THAP9: variants seen among roughly 807,000 people sequenced by gnomAD.
THAP9 encodes THAP domain containing 9.
Under a neutral mutation model 35.7 loss-of-function variants are expected in THAP9, and 20 were observed. The ratio of observed to expected loss-of-function variants is 0.56; its 90% confidence interval spans 0.39 to 0.81. The LOEUF is 0.81. Ranked by LOEUF, THAP9 falls within the 40% of genes least tolerant of loss-of-function variation. The pLI is 0.00. For missense variants in THAP9, 870 were observed against 1,047.4 expected (o/e 0.83, Z 2.34); for synonymous variants, 335 against 373.7 (o/e 0.90, Z 1.19).
In THAP9 at chr4:82,917,285, T is replaced by C; in HGVS notation, c.1073T>C (p.Ile358Thr). The C allele has an allele frequency of 1.2e-6, 2 of 1,614,138 alleles. No individual in the cohort carries two copies. The highest frequency in any genetic ancestry group is 1.7e-6 in the Non-Finnish European group (2 of 1,179,992). The change falls in exon 5 of 5, where the codon ATT becomes ACT. Residue 358 changes from isoleucine to threonine, a missense_variant. Around this residue, in one of 3 missense-constraint regions of THAP9, gnomAD observed 440 missense variants for 501.2 expected, o/e 0.88. Transcript: ENST00000302236. ...YLQAQLLRLT[I>T]GKLSDIGITV... ...CAGGCTCAGCTGCTTCGTCTGACTA[T>C]TGGTAAACTGAGTGACATAGGAATC...
At position 82,906,641 on chromosome 4, in the gene THAP9, G is replaced by A. The variant is rs367785870; in HGVS notation, c.580+14G>A. 19 of 1,552,352 alleles carry A rather than the reference G, an allele frequency of 1.2e-5. No individual in the cohort carries two copies. Among genetic ancestry groups the A allele is most frequent in the Non-Finnish European group, 1.6e-5 (18 of 1,151,184 alleles). ...CTCAATTTTCAGGTACTTCCCCCTAGTAACCTGTAGTATTTACAAAAATAG... is the reference window on the plus strand; with the variant it reads ...CTCAATTTTCAGGTACTTCCCCCTAATAACCTGTAGTATTTACAAAAATAG... On this transcript the variant is annotated intron_variant, in intron 3 of 4. Coordinates refer to ENST00000302236, the MANE Select transcript of THAP9 (RefSeq NM_024672.6).
Position 82,917,522 on chromosome 4 carries a change from G to A in THAP9, c.1310G>A (p.Gly437Asp). ...QNFQSIQFINGIAHWQHLVEL... is the reference protein window; with the variant it reads ...QNFQSIQFINDIAHWQHLVEL... The stretch of plus-strand genomic sequence containing the variant: ...TTTCAAAGCATTCAGTTTATTAATG[G>A]TATAGCACATTGGCAGCACCTCGTG... Residue 437 changes from glycine (G) to aspartate (D), a missense_variant, in exon 5 of 5, where the codon GGT becomes GAT. Transcript: ENST00000302236. 3 of 1,613,622 alleles carry A rather than the reference G, an allele frequency of 1.9e-6. No homozygotes were observed. Among genetic ancestry groups the A allele is most frequent in the South Asian group, 2.2e-5 (2 of 91,066 alleles).
At chr4:82,913,865 T>C (rs889226874) in intron 4 of THAP9, among the ~76,000 whole-genome samples, 2 of 151,390 alleles carry the variant, frequency 1.3e-5, no homozygotes, top group African/African-American at 2.4e-5. Context: ...GCCTCCCGAG[T>C]AGCTGGGATT....
intron 4 of THAP9, among the ~76,000 whole-genome samples, chr4:82,908,907 AT>A (rs1488131850): frequency 9.3e-5 from 11 of 117,954 alleles, no homozygotes; most frequent in Admixed American, 3.0e-4. Flanking sequence ...AGTTTTACAG[AT>A]TCCTTTTTTT....
In THAP9 at chr4:82,900,745, T is replaced by G. The variant is rs1720288983; in HGVS notation, c.-58T>G. ...GCAGAGTCAACGGGCGGAGCTAAAG[T>G]GGTCGTGATTCATGCTGTCGCGGGA... On this transcript the variant is annotated 5_prime_UTR_variant, in exon 1 of 5. Transcript: ENST00000302236. The G allele has an allele frequency of 4.4e-6, 7 of 1,579,654 alleles. No individual in the cohort carries two copies. Among genetic ancestry groups the G allele is most frequent in the Admixed American group, 1.7e-5 (1 of 59,850 alleles).
At chr4:82,901,296 C>A in intron 1 of THAP9, 1 of 407,100 alleles carries the variant, frequency 2.5e-6, no homozygotes, top group South Asian at 1.8e-5. Flanking sequence ...TTCTTAAGTG[C>A]TGTTAGCCGA....
chr4:82,914,246 G>T (rs1282375863), intron 4 of THAP9, among the ~76,000 whole-genome samples: 1 of 152,148 alleles, frequency 6.6e-6, no homozygotes, highest in African/African-American at 2.4e-5. Flanking sequence ...GAGATTTAGG[G>T]TGTTCCATGT....
At chr4:82,911,966 A>T (rs531232503) in intron 4 of THAP9, among the ~76,000 whole-genome samples, 1 of 152,346 alleles carries the variant, frequency 6.6e-6, no homozygotes, top group African/African-American at 2.4e-5. Flanking sequence ...AAATTTTTTT[A>T]AAACCCTTGG....
At chr4:82,901,217 G>A (rs1720346365) in intron 1 of THAP9, 3 of 544,466 alleles carry the variant, frequency 5.5e-6, no homozygotes, top group Non-Finnish European at 3.5e-6. Context: ...AACGGTTGAA[G>A]TGTGTGTGTG....
At chr4:82,916,167 C>T (rs916632340) in intron 4 of THAP9, among the ~76,000 whole-genome samples, 1 of 152,154 alleles carries the variant, frequency 6.6e-6, no homozygotes, top group Non-Finnish European at 1.5e-5. Context: ...CTAGTCTCTC[C>T]CTCAGAATCC....
At chr4:82,909,718 G>A (rs1378043587) in intron 4 of THAP9, among the ~76,000 whole-genome samples, 2 of 152,042 alleles carry the variant, frequency 1.3e-5, no homozygotes, top group African/African-American at 2.4e-5. Flanking sequence ...CTTTCATAAT[G>A]TGATTTTACC....
intron 4 of THAP9, among the ~76,000 whole-genome samples, chr4:82,914,886 G>A (rs917206292): frequency 6.6e-5 from 10 of 152,050 alleles, no homozygotes; most frequent in East Asian, 3.9e-4. Context: ...ATCTTTTACC[G>A]TTCCTATGTC....
intron 4 of THAP9, among the ~76,000 whole-genome samples, chr4:82,914,481 C>A (rs1318392312): frequency 6.6e-6 from 1 of 152,164 alleles, no homozygotes; most frequent in African/African-American, 2.4e-5. Flanking sequence ...ATTTTGCCAG[C>A]ATCTATTATT....
chr4:82,901,938 T>TAAA, intron 1 of THAP9, among the ~76,000 whole-genome samples: 1 of 152,208 alleles, frequency 6.6e-6, no homozygotes, highest in Middle Eastern at 3.4e-3. Context: ...GTAAGAGGAA[T>TAAA]AAAAACCTGC....
Position 82,918,378 on chromosome 4 carries a change from T to A in THAP9, c.2166T>A (p.Val722=). 1 of 1,614,186 alleles carries A rather than the reference T, an allele frequency of 6.2e-7. No homozygotes were observed. Among genetic ancestry groups the A allele is most frequent in the East Asian group, 2.2e-5 (1 of 44,886 alleles). ...ATCTCATCTGTTATGCTGGTTATGT[T>A]GCAAACAAGTTATCAGCTCTTTTAA... The part of the protein sequence containing the change: ...RRNLICYAGY[V]ANKLSALLTC... Residue 722 remains valine (V), a synonymous_variant, in exon 5 of 5, where the codon GTT becomes GTA. Transcript: ENST00000302236.
In THAP9 at chr4:82,906,325, T is replaced by C. The variant is rs201331762; in HGVS notation, c.278T>C (p.Ile93Thr). ...TTTAATTTTATATATCTGTCATAGA[T>C]TCCTCAAGGTGTACATCTTAAAGGT... The part of the protein sequence containing the change: ...GAVPSVSLYK[I>T]PQGVHLKGKA... Residue 93 changes from isoleucine to threonine, a missense_variant and splice_region_variant, in exon 3 of 5, where the codon ATT becomes ACT. Physicochemically the swap from Ile to Thr is moderately conservative, Grantham distance 89. Transcript: ENST00000302236. 6.6e-5 allele frequency: 103 copies of C among 1,569,472 alleles called. No homozygotes were observed. Among genetic ancestry groups the C allele is most frequent in the Non-Finnish European group, 7.6e-5 (88 of 1,160,768 alleles).
chr4:82,902,768 T>G (rs1398823466), intron 1 of THAP9, among the ~76,000 whole-genome samples: 1 of 152,252 alleles, frequency 6.6e-6, no homozygotes, highest in Non-Finnish European at 1.5e-5. Flanking sequence ...AACAATAAAA[T>G]TATAATCCCA....
At chr4:82,905,488 ATAGTCACCTAACTGT>A (rs1357052199) in intron 2 of THAP9, among the ~76,000 whole-genome samples, 1 of 152,134 alleles carries the variant, frequency 6.6e-6, no homozygotes, top group Non-Finnish European at 1.5e-5. Context: ...ACAGTCTGTG[ATAGTCACCTAACTGT>A]TCTATTCTGA....
At chr4:82,909,739 G>A (rs1720798172) in intron 4 of THAP9, among the ~76,000 whole-genome samples, 1 of 152,040 alleles carries the variant, frequency 6.6e-6, no homozygotes. Flanking sequence ...ATTCAAGCTA[G>A]ATATTATACT....
Sources: allele counts gnomAD v4.1 joint callset (sites outside exome capture counted in the v4.1 genomes callset), GRCh38; gene constraint gnomAD v4.1.1; regional missense constraint gnomAD v4.1.1; transcripts MANE v1.5; gene names NCBI Gene and HGNC (gene_info 2026-07-23, HGNC 2026-07-21).